MATN2: variants seen among roughly 807,000 people sequenced by gnomAD.
MATN2 encodes the protein matrilin-2.
Under a neutral mutation model 103.2 loss-of-function variants are expected in MATN2, and 69 were observed. The ratio of observed to expected loss-of-function variants is 0.67; its 90% CI spans 0.55 to 0.82. The LOEUF (loss-of-function observed/expected upper bound fraction) is 0.82. Ranked by LOEUF, MATN2 falls within the 40% of genes least tolerant of loss-of-function variation. The pLI, the probability that MATN2 is intolerant of heterozygous loss-of-function variation, is 0.00. For synonymous variants in MATN2, 429 were observed against 450.2 expected, an observed-to-expected ratio of 0.95 and a Z score of 0.60; for missense variants, 1,023 against 1,211.5, an observed-to-expected ratio of 0.84 and a Z score of 2.31.
rs756286641 is a variant in MATN2, at chr8:98,007,481, G to C, written c.1453G>C (p.Val485Leu). ...INEDLKTCSR[V>L]DYCLLSDHGC... ...CTGCCTGGCTTTTGGTTTTGCAGGGGTGGATTACTGCCTGCTGAGTGACCA... is the reference window on the plus strand; with the variant it reads ...CTGCCTGGCTTTTGGTTTTGCAGGGCTGGATTACTGCCTGCTGAGTGACCA... The change falls in exon 10 of 19, where the codon GTG becomes CTG. Residue 485 changes from valine to leucine, a missense_variant and splice_region_variant. Val to Leu is a conservative substitution (Grantham distance 32). Coordinates refer to ENST00000254898, the MANE Select transcript of MATN2 (RefSeq NM_002380.5). The surrounding 1 kb of genome is among the most constrained non-coding windows in gnomAD (Gnocchi z 4.2). The C allele has an allele frequency of 1.2e-5, 19 of 1,611,028 alleles. No individual in the cohort carries two copies. The South Asian group carries it at 2.1e-4, about 18-fold the overall frequency.
At chr8:97,907,535 G>A (rs1819219894) in intron 2 of MATN2, among the ~76,000 whole-genome samples, 1 of 150,136 alleles carries the variant, frequency 6.7e-6, no homozygotes, top group South Asian at 2.1e-4. Context: ...TGTTAGCCAG[G>A]ATGGCCTCGA....
intron 2 of MATN2, among the ~76,000 whole-genome samples, chr8:97,903,052 T>C (rs1819042809): frequency 6.6e-6 from 1 of 152,070 alleles, no homozygotes; most frequent in South Asian, 2.1e-4. Flanking sequence ...ACTGGGCCCA[T>C]GAGAAGTTGA....
chr8:97,892,871 G>T (rs1429477601), intron 2 of MATN2, among the ~76,000 whole-genome samples: 1 of 152,132 alleles, frequency 6.6e-6, no homozygotes, highest in Non-Finnish European at 1.5e-5. Flanking sequence ...TAAGAGAATT[G>T]TTCCCAGTGA....
chr8:97,950,870 A>C (rs1221751804), intron 4 of MATN2: 1 of 152,248 alleles, frequency 6.6e-6, no homozygotes, highest in Non-Finnish European at 1.5e-5. Context: ...GGAGATGGAG[A>C]ATTCCAGTTC....
chr8:97,897,912 C>T (rs992101836), intron 2 of MATN2, among the ~76,000 whole-genome samples: 17 of 152,180 alleles, frequency 1.1e-4, no homozygotes, highest in African/African-American at 4.1e-4. Context: ...AAGTTAAAAG[C>T]TTTTCTAGGC....
chr8:97,995,310 G>A (rs1812545501), intron 7 of MATN2, among the ~76,000 whole-genome samples: 1 of 152,180 alleles, frequency 6.6e-6, no homozygotes, highest in Admixed American at 6.5e-5. Flanking sequence ...ACTCATAGAT[G>A]TGCACAATGT....
At chr8:97,967,844 T>G (rs1168684791) in intron 5 of MATN2, among the ~76,000 whole-genome samples, 1 of 152,232 alleles carries the variant, frequency 6.6e-6, no homozygotes, top group Non-Finnish European at 1.5e-5. Flanking sequence ...AGTGCCCCAG[T>G]AGGGACTCTG....
chr8:98,019,937 T>C (rs1813522315), intron 12 of MATN2, among the ~76,000 whole-genome samples: 2 of 152,340 alleles, frequency 1.3e-5, no homozygotes, highest in South Asian at 4.1e-4. Flanking sequence ...ACCTCGCTTC[T>C]TCCTCCAGGA....
chr8:98,006,976 C>A, intron 8 of MATN2, 129 bp from the exon 9 acceptor site: 1 of 946,574 alleles, frequency 1.1e-6, no homozygotes, highest in Non-Finnish European at 1.6e-6. Flanking sequence ...CTAGAGGGAT[C>A]AGTGATGTGG....
chr8:97,909,593 G>C (rs1175877510), intron 2 of MATN2, among the ~76,000 whole-genome samples: 2 of 152,160 alleles, frequency 1.3e-5, no homozygotes, highest in African/African-American at 2.4e-5. Flanking sequence ...AGAGAGAACA[G>C]CAGGCAGGAG....
chr8:97,976,813 T>C (rs1445456113), intron 5 of MATN2, among the ~76,000 whole-genome samples: 4 of 152,040 alleles, frequency 2.6e-5, no homozygotes, highest in African/African-American at 9.7e-5. Context: ...TTTTTCTCAT[T>C]TCACCTCTAA....
At chr8:97,989,662 C>T (rs1308814567) in intron 6 of MATN2, among the ~76,000 whole-genome samples, 1 of 151,766 alleles carries the variant, frequency 6.6e-6, no homozygotes, top group Non-Finnish European at 1.5e-5. Context: ...TGCAATAAGA[C>T]AGAGAAAGAT....
intron 3 of MATN2, among the ~76,000 whole-genome samples, chr8:97,934,533 CCTG>C (rs1810310735): frequency 6.6e-6 from 1 of 152,174 alleles, no homozygotes; most frequent in East Asian, 1.9e-4. Flanking sequence ...ATTCATTGAA[CCTG>C]TAAACCAAAA....
At chr8:97,976,789 C>G (rs2130304454) in intron 5 of MATN2, among the ~76,000 whole-genome samples, 1 of 151,910 alleles carries the variant, frequency 6.6e-6, no homozygotes. Flanking sequence ...AGAGTTGACC[C>G]TAGGTGCACT....
chr8:97,914,743 C>T (rs1215530514), intron 2 of MATN2, among the ~76,000 whole-genome samples: 1 of 152,166 alleles, frequency 6.6e-6, no homozygotes, highest in Non-Finnish European at 1.5e-5. Context: ...CCAGCCTTGC[C>T]ACATCACCTG....
chr8:98,026,897 T>C (rs1238795751), intron 13 of MATN2, among the ~76,000 whole-genome samples: 4 of 152,162 alleles, frequency 2.6e-5, no homozygotes, highest in African/African-American at 9.7e-5. Flanking sequence ...CCTCAATAAA[T>C]TTTTGGTTGA....
At position 98,035,771 on chromosome 8, in the gene MATN2, G is replaced by A; in HGVS notation, c.*59G>A. On this transcript the variant is annotated 3_prime_UTR_variant, in exon 19 of 19. Transcript: ENST00000254898. ...TATCACGGATTACAATGAACGCAGT[G>A]CAGAGCCCCAAAGCTCAGGCTATTG... 9.1e-7 allele frequency: 1 copy of A among 1,094,272 alleles called. No individual in the cohort carries two copies. The highest frequency in any genetic ancestry group is 1.3e-6 in the Non-Finnish European group (1 of 746,716). The allele number at this position is 1,094,272 out of a possible 1,614,324, so 67.8% of individuals were successfully genotyped here.
intron 3 of MATN2, among the ~76,000 whole-genome samples, chr8:97,939,284 G>C (rs562067140): frequency 6.6e-6 from 1 of 152,120 alleles, no homozygotes; most frequent in African/African-American, 2.4e-5. Context: ...TCCCTGTAAG[G>C]CACATCGCAG....
intron 2 of MATN2, among the ~76,000 whole-genome samples, chr8:97,894,191 C>T (rs903747963): frequency 6.6e-6 from 1 of 152,104 alleles, no homozygotes; most frequent in Non-Finnish European, 1.5e-5. Flanking sequence ...CCTCCCACCC[C>T]ACACCCCACC....
Sources: gnomAD v4.1 joint callset for allele counts (sites outside exome capture counted in the v4.1 genomes callset) on GRCh38, gnomAD v4.1.1 for gene constraint, Gnocchi (gnomAD v3.1) non-coding constraint, MANE v1.5 for transcripts, NCBI Gene and HGNC (gene_info 2026-07-23, HGNC 2026-07-21) for gene names.